Variants in WBP1L observed in about 807,000 individuals in gnomAD.
WBP1L encodes WW domain binding protein 1 like, also known as WW domain binding protein 1-like.
In WBP1L, 17 loss-of-function variants were observed where a neutral mutation model predicts 33.7. The ratio of observed to expected loss-of-function variants is 0.50; its 90% CI spans 0.34 to 0.76. The LOEUF (loss-of-function observed/expected upper bound fraction) is 0.76. WBP1L is among the 30% of genes least tolerant of loss of function. WBP1L has a pLI of 0.01. For synonymous variants in WBP1L, 173 were observed against 190.8 expected (o/e 0.91, Z 0.77); for missense variants, 389 against 469.4 (o/e 0.83, Z 1.58).
chr10:102,804,491 A>G (rs774170777), intron 2 of WBP1L, among the ~76,000 whole-genome samples: 13 of 150,816 alleles, frequency 8.6e-5, no homozygotes, highest in Non-Finnish European at 1.8e-4. Context: ...TAAAAATCTG[A>G]TGAACACTTT....
chr10:102,760,627 A>G (rs754206982), intron 1 of WBP1L, among the ~76,000 whole-genome samples: 25 of 151,878 alleles, frequency 1.6e-4, no homozygotes, highest in Non-Finnish European at 3.2e-4. Flanking sequence ...CGCCTGCCTC[A>G]GCCTCCAAAA....
Position 102,814,826 on chromosome 10 carries a change from CGAT to C in WBP1L, c.*1502_*1504del, listed in dbSNP as rs917570631. ...AGTCTTTCTTCCCCCAACTCTTGAA[CGAT>C]GATGATATTCAGACGAAGCATTGAT... is the stretch of plus-strand genomic sequence containing the variant. On this transcript the variant is annotated 3_prime_UTR_variant, in exon 4 of 4. Transcript: ENST00000448841. The C allele has an allele frequency of 6.6e-6, 1 of 152,332 alleles. No homozygotes were observed. Among genetic ancestry groups the C allele is most frequent in the Non-Finnish European group, 1.5e-5 (1 of 68,004 alleles). The allele number at this position is 152,332 out of a possible 1,614,324, so 9.4% of individuals were successfully genotyped here.
At chr10:102,755,591 C>A (rs1380691542) in intron 1 of WBP1L, among the ~76,000 whole-genome samples, 1 of 151,724 alleles carries the variant, frequency 6.6e-6, no homozygotes, top group Non-Finnish European at 1.5e-5. Flanking sequence ...CGGGATTTCA[C>A]CATGTTGGCC....
chr10:102,810,359 CT>C (rs1233953258), intron 3 of WBP1L, among the ~76,000 whole-genome samples: 1,581 of 136,956 alleles, frequency 0.012, 49 homozygotes, highest in African/African-American at 0.04. Context: ...AACTTCCTCC[CT>C]TCCTCCCTCC....
intron 1 of WBP1L, among the ~76,000 whole-genome samples, chr10:102,753,131 G>T (rs1842940813): frequency 6.6e-6 from 1 of 152,126 alleles, no homozygotes; most frequent in African/African-American, 2.4e-5. Context: ...CACCACTGGG[G>T]CCGCTGATCC....
chr10:102,759,479 A>G (rs1843012873), intron 1 of WBP1L, among the ~76,000 whole-genome samples: 1 of 152,178 alleles, frequency 6.6e-6, no homozygotes, highest in Non-Finnish European at 1.5e-5. Flanking sequence ...TTATACTGAA[A>G]TAGTTTGTGC....
intron 1 of WBP1L, among the ~76,000 whole-genome samples, chr10:102,754,613 G>T (rs544634896): frequency 6.6e-6 from 1 of 152,054 alleles, no homozygotes; most frequent in African/African-American, 2.4e-5. Context: ...GGCCAGGCTG[G>T]TCTCGAACTC....
chr10:102,747,711 A>G (rs544708615), intron 1 of WBP1L, among the ~76,000 whole-genome samples: 37 of 152,006 alleles, frequency 2.4e-4, no homozygotes, highest in Non-Finnish European at 4.0e-4. Context: ...ATTTTTCTGT[A>G]GAGATGGGGT....
At chr10:102,803,762 C>T (rs1843692253) in intron 2 of WBP1L, among the ~76,000 whole-genome samples, 1 of 152,080 alleles carries the variant, frequency 6.6e-6, no homozygotes. Flanking sequence ...GTGCCTGCCA[C>T]TACGCCCAGC....
intron 3 of WBP1L, among the ~76,000 whole-genome samples, chr10:102,811,322 G>A (rs1224844312): frequency 1.3e-5 from 2 of 152,070 alleles, no homozygotes; most frequent in Non-Finnish European, 2.9e-5. Flanking sequence ...GGCGGGTTGG[G>A]GGGTGGCATT....
At chr10:102,802,823 G>T (rs1373364769) in intron 2 of WBP1L, among the ~76,000 whole-genome samples, 1 of 152,090 alleles carries the variant, frequency 6.6e-6, no homozygotes, top group Non-Finnish European at 1.5e-5. Context: ...ATACTTTTTG[G>T]GGGTTAAAAG....
chr10:102,770,725 T>G (rs924914115), intron 1 of WBP1L, among the ~76,000 whole-genome samples: 4 of 152,292 alleles, frequency 2.6e-5, no homozygotes, highest in Non-Finnish European at 5.9e-5. Context: ...GACTTCACAC[T>G]CCAGAACACC....
intron 1 of WBP1L, among the ~76,000 whole-genome samples, chr10:102,780,430 G>T (rs747374329): frequency 1.3e-5 from 2 of 152,132 alleles, no homozygotes; most frequent in Non-Finnish European, 2.9e-5. Flanking sequence ...ACTAATTTTC[G>T]GAGAACAGTA....
chr10:102,797,843 G>A (rs1301253208), intron 1 of WBP1L, 150 bp from the exon 2 acceptor site: 5 of 693,036 alleles, frequency 7.2e-6, no homozygotes, highest in African/African-American at 1.8e-5. Context: ...GAGCCACCGC[G>A]CCTGGCCAAA....
intron 3 of WBP1L, among the ~76,000 whole-genome samples, chr10:102,810,767 A>G (rs1301833769): frequency 6.6e-6 from 1 of 151,292 alleles, no homozygotes; most frequent in Non-Finnish European, 1.5e-5. Flanking sequence ...GGGTTTCTCC[A>G]TGTTGGTCAG....
intron 1 of WBP1L, among the ~76,000 whole-genome samples, chr10:102,758,602 G>A (rs1412834937): frequency 1.3e-5 from 2 of 152,192 alleles, no homozygotes; most frequent in Non-Finnish European, 2.9e-5. Flanking sequence ...CTTAGCGGGT[G>A]TTCTCCCTGT....
intron 1 of WBP1L, among the ~76,000 whole-genome samples, chr10:102,779,495 T>C (rs913044203): frequency 1.3e-5 from 2 of 151,890 alleles, no homozygotes; most frequent in African/African-American, 2.4e-5. Context: ...GAGATGGGGT[T>C]TCACCATGGC....
intron 1 of WBP1L, among the ~76,000 whole-genome samples, chr10:102,782,031 C>A (rs1474207824): frequency 6.6e-6 from 1 of 151,906 alleles, no homozygotes; most frequent in African/African-American, 2.4e-5. Flanking sequence ...CCATGCCCAG[C>A]TAATTTTTCT....
Position 102,813,068 on chromosome 10 carries a change from G to C in WBP1L, c.829G>C (p.Val277Leu), listed in dbSNP as rs1784702376. ...FTGDSGIEVC[V>L]CNRGHHDDDL... ...AGGTGACTCGGGCATTGAAGTGTGT[G>C]TGTGCAACCGGGGCCACCATGACGA... Residue 277 changes from valine (V) to leucine (L), a missense_variant, in exon 4 of 4, where the codon GTG becomes CTG. Coordinates refer to ENST00000448841, the MANE Select transcript of WBP1L (RefSeq NM_001083913.2). The C allele has an allele frequency of 6.2e-7, 1 of 1,613,714 alleles. No homozygotes were observed. The highest frequency in any genetic ancestry group is 1.7e-5 in the Admixed American group (1 of 60,006).
Sources: gnomAD v4.1 joint callset for allele counts (sites outside exome capture counted in the v4.1 genomes callset) on GRCh38, gnomAD v4.1.1 for gene constraint, MANE v1.5 for transcripts, NCBI Gene and HGNC (gene_info 2026-07-23, HGNC 2026-07-21) for gene names.